NFATC3: variants seen among roughly 807,000 people sequenced by gnomAD.
NFATC3 encodes nuclear factor of activated T cells 3.
NFATC3 carries 46 observed loss-of-function variants against 98.6 expected under a neutral mutation model. The observed-to-expected ratio is 0.47, with a 90% CI of 0.37 to 0.60. NFATC3 has a LOEUF of 0.60. Ranked by LOEUF, NFATC3 falls within the 20% of genes least tolerant of loss-of-function variation. The pLI, the probability that NFATC3 is intolerant of heterozygous loss-of-function variation, is 0.00. For synonymous variants in NFATC3, 512 were observed against 472.2 expected (o/e 1.08, Z -1.09); for missense variants, 1,256 against 1,295.5 (o/e 0.97, Z 0.47).
chr16:68,146,134 A>G (rs2038029401), intron 3 of NFATC3, among the ~76,000 whole-genome samples: 1 of 152,104 alleles, frequency 6.6e-6, no homozygotes. Flanking sequence ...TCCAGTGAGC[A>G]TTTACTTTGG....
chr16:68,199,137 AC>A (rs2040796900), intron 9 of NFATC3, among the ~76,000 whole-genome samples: 1 of 151,736 alleles, frequency 6.6e-6, no homozygotes, highest in South Asian at 2.1e-4. Flanking sequence ...GATTGCTTGA[AC>A]CCAGGAGGCG....
chr16:68,192,226 AAAAAATATATATAT>A (rs1357746682), intron 9 of NFATC3: 2 of 59,646 alleles, frequency 3.4e-5, no homozygotes, highest in Non-Finnish European at 6.5e-5. Flanking sequence ...AAAAAAAAAA[AAAAAATATATATAT>A]ATATATATAT....
At chr16:68,215,699 T>G (rs1205885510) in intron 9 of NFATC3, among the ~76,000 whole-genome samples, 1 of 151,476 alleles carries the variant, frequency 6.6e-6, no homozygotes, top group Non-Finnish European at 1.5e-5. Context: ...CTTGCTTGCT[T>G]CTTTGAGATA....
At chr16:68,106,455 CTAA>C (rs1407529502) in intron 1 of NFATC3, among the ~76,000 whole-genome samples, 1 of 151,888 alleles carries the variant, frequency 6.6e-6, no homozygotes, top group Non-Finnish European at 1.5e-5. Flanking sequence ...TCACGCCTGG[CTAA>C]TTTTTGTATG....
chr16:68,105,310 C>T (rs1330373659), intron 1 of NFATC3, among the ~76,000 whole-genome samples: 1 of 151,776 alleles, frequency 6.6e-6, no homozygotes, highest in African/African-American at 2.4e-5. Flanking sequence ...AGGCTGGTCT[C>T]GAACTCCTGA....
At chr16:68,174,286 T>C in intron 5 of NFATC3, 88 bp from the exon 6 acceptor site, 1 of 1,111,578 alleles carries the variant, frequency 9.0e-7, no homozygotes, top group Non-Finnish European at 1.2e-6. Context: ...TTTATTTTCT[T>C]TTTGTAGCTT....
chr16:68,112,707 G>A (rs1258949077), intron 1 of NFATC3, among the ~76,000 whole-genome samples: 5 of 138,358 alleles, frequency 3.6e-5, no homozygotes, highest in South Asian at 2.3e-4. Flanking sequence ...GCCGGACTGC[G>A]GACTGCAGTG....
intron 9 of NFATC3, among the ~76,000 whole-genome samples, chr16:68,211,608 C>T (rs771125761): frequency 5.9e-5 from 9 of 151,804 alleles, no homozygotes; most frequent in African/African-American, 9.7e-5. Context: ...CTGCAACTTC[C>T]GCCTCCCAGG....
intron 3 of NFATC3, among the ~76,000 whole-genome samples, chr16:68,137,536 C>CT (rs1755847723): frequency 1.3e-5 from 2 of 151,880 alleles, no homozygotes; most frequent in Non-Finnish European, 2.9e-5. Flanking sequence ...GGTCTTTTGA[C>CT]TGTCGTTTCT....
chr16:68,118,555 C>T (rs777300202), intron 1 of NFATC3, among the ~76,000 whole-genome samples: 4 of 152,142 alleles, frequency 2.6e-5, no homozygotes, highest in East Asian at 1.9e-4. Flanking sequence ...CTTTTTCTCC[C>T]TAATCCTAAA....
Position 68,179,638 on chromosome 16 carries a change from G to A in NFATC3, c.1916-1837G>A, listed in dbSNP as rs370009473. ...ACAAAAAGAATGCTTTGGAATAATT[G>A]TACATCAGTCGGAGAGCTTTAGTAG... On this transcript the variant is annotated intron_variant, in intron 6 of 9. Coordinates refer to ENST00000346183, the MANE Select transcript of NFATC3 (RefSeq NM_173165.3). Among the ~76,000 whole-genome samples, 14 of 152,212 alleles carry A rather than the reference G, an allele frequency of 9.2e-5. No homozygotes were observed. In the East Asian group the frequency reaches 1.5e-3, roughly 17 times the overall value.
At chr16:68,096,223 C>A (rs1001939422) in intron 1 of NFATC3, among the ~76,000 whole-genome samples, 8 of 152,246 alleles carry the variant, frequency 5.3e-5, no homozygotes, top group Non-Finnish European at 1.2e-4. Context: ...ACCTTGGCCT[C>A]CCAATGTACT....
chr16:68,183,483 C>A (rs1222924037), intron 8 of NFATC3, 117 bp downstream of exon 8: 3 of 1,040,366 alleles, frequency 2.9e-6, no homozygotes, highest in African/African-American at 1.7e-5. Context: ...ATGAAAACAC[C>A]AACAGATGCC....
At chr16:68,196,949 G>C (rs1238692934) in intron 9 of NFATC3, among the ~76,000 whole-genome samples, 1 of 151,986 alleles carries the variant, frequency 6.6e-6, no homozygotes, top group Non-Finnish European at 1.5e-5. Flanking sequence ...AGAGTCGCTT[G>C]AACCTGGGAG....
intron 1 of NFATC3, among the ~76,000 whole-genome samples, chr16:68,105,361 C>T (rs1489283135): frequency 6.6e-6 from 1 of 151,980 alleles, no homozygotes; most frequent in Non-Finnish European, 1.5e-5. Flanking sequence ...AAAGTACAGG[C>T]ATGAACCAGT....
At chr16:68,160,948 G>A (rs2038862457) in intron 4 of NFATC3, among the ~76,000 whole-genome samples, 1 of 136,158 alleles carries the variant, frequency 7.3e-6, no homozygotes, top group Non-Finnish European at 1.5e-5. Context: ...GCCTCCCAAA[G>A]TGCTGGGATT....
intron 1 of NFATC3, among the ~76,000 whole-genome samples, chr16:68,121,517 TA>T: frequency 6.6e-6 from 1 of 151,532 alleles, no homozygotes; most frequent in Middle Eastern, 3.4e-3. Context: ...AAAATGACAA[TA>T]AAAAGTAACC....
chr16:68,171,519 G>A lies in NFATC3; in HGVS notation c.1775-2855G>A, dbSNP rs148232745. Among the ~76,000 whole-genome samples, 3 of 151,428 alleles carry A rather than the reference G, an allele frequency of 2.0e-5. No individual in the cohort carries two copies. In the East Asian group the frequency reaches 5.8e-4, roughly 29 times the overall value. ...GACAGAGTCTCACTCTGTTGCCCAG[G>A]CTGGAGTGCAATGGCATGATCTTGG... On this transcript the variant is annotated intron_variant, in intron 5 of 9. Transcript: ENST00000346183.
intron 3 of NFATC3, among the ~76,000 whole-genome samples, chr16:68,150,539 G>T (rs948099409): frequency 5.9e-5 from 9 of 151,570 alleles, no homozygotes; most frequent in Admixed American, 2.0e-4. Context: ...CTATGATTGT[G>T]CCATTGCACT....
Sources: gnomAD v4.1 joint callset for allele counts (sites outside exome capture counted in the v4.1 genomes callset) on GRCh38, gnomAD v4.1.1 for gene constraint, MANE v1.5 for transcripts, NCBI Gene and HGNC (gene_info 2026-07-23, HGNC 2026-07-21) for gene names.